Variants in SAMD3 observed in about 807,000 individuals in gnomAD.
SAMD3 encodes the protein sterile alpha motif domain-containing protein 3.
A neutral mutation model predicts 58.5 loss-of-function variants in SAMD3; 63 were observed. The observed-to-expected ratio is 1.08, with a 90% CI of 0.88 to 1.33. The LOEUF (loss-of-function observed/expected upper bound fraction) is 1.33, where lower values mean the gene tolerates loss of function less well. Among genes scored for constraint, SAMD3 ranks in the 40% most tolerant of loss-of-function variants. SAMD3 has a pLI of 0.00. For missense variants in SAMD3, 604 were observed against 608.4 expected, an observed-to-expected ratio of 0.99 and a Z score of 0.08; for synonymous variants, 220 against 210.3, an observed-to-expected ratio of 1.05 and a Z score of -0.40.
intron 2 of SAMD3, among the ~76,000 whole-genome samples, chr6:130,255,329 G>T (rs948972559): frequency 3.3e-5 from 5 of 152,154 alleles, no homozygotes; most frequent in Non-Finnish European, 5.9e-5. Flanking sequence ...CTAAAGCATT[G>T]TTTGAGTCCA....
At chr6:130,350,588 G>A (rs1394793513) in intron 1 of SAMD3, among the ~76,000 whole-genome samples, 1 of 152,144 alleles carries the variant, frequency 6.6e-6, no homozygotes, top group Non-Finnish European at 1.5e-5. Context: ...CAAACAAATG[G>A]AAGAACATTC....
At chr6:130,271,710 C>G (rs980140275) in intron 2 of SAMD3, among the ~76,000 whole-genome samples, 1 of 152,118 alleles carries the variant, frequency 6.6e-6, no homozygotes, top group African/African-American at 2.4e-5. Flanking sequence ...AAAGACATAT[C>G]GAGACTGGGT....
chr6:130,322,665 G>A (rs1308408523), intron 1 of SAMD3, among the ~76,000 whole-genome samples: 2 of 152,118 alleles, frequency 1.3e-5, no homozygotes, highest in African/African-American at 4.8e-5. Context: ...CAAAGCAAAT[G>A]GTTCAATGGT....
chr6:130,275,460 T>C (rs1774741426), intron 2 of SAMD3, among the ~76,000 whole-genome samples: 1 of 152,156 alleles, frequency 6.6e-6, no homozygotes, highest in African/African-American at 2.4e-5. Context: ...CAACTCCCAG[T>C]AGGGCTGAAT....
chr6:130,230,573 G>A (rs865891179), intron 2 of SAMD3, among the ~76,000 whole-genome samples: 1 of 152,002 alleles, frequency 6.6e-6, no homozygotes, highest in Non-Finnish European at 1.5e-5. Context: ...CTTTTTAGTA[G>A]AGACAGGTTT....
intron 5 of SAMD3, among the ~76,000 whole-genome samples, chr6:130,204,428 G>T (rs934330445): frequency 3.9e-5 from 6 of 152,046 alleles, no homozygotes; most frequent in African/African-American, 1.4e-4. Flanking sequence ...GCAACATGTT[G>T]AAACCCTCTG....
At chr6:130,244,221 A>C (rs1773457136) in intron 2 of SAMD3, among the ~76,000 whole-genome samples, 1 of 152,182 alleles carries the variant, frequency 6.6e-6, no homozygotes, top group African/African-American at 2.4e-5. Flanking sequence ...TTCTATTTAA[A>C]AGACAATTTG....
chr6:130,288,356 CT>C (rs1775238776), intron 2 of SAMD3, among the ~76,000 whole-genome samples: 1 of 152,198 alleles, frequency 6.6e-6, no homozygotes. Flanking sequence ...GTACCTCAGT[CT>C]TTTCCCTAAA....
At chr6:130,187,612 T>C (rs1262992389) in intron 5 of SAMD3, among the ~76,000 whole-genome samples, 1 of 152,196 alleles carries the variant, frequency 6.6e-6, no homozygotes, top group East Asian at 1.9e-4. Context: ...TGGAAGCAGA[T>C]AACTGCAGGC....
chr6:130,294,177 G>C (rs1440374466), intron 2 of SAMD3, among the ~76,000 whole-genome samples: 1 of 152,132 alleles, frequency 6.6e-6, no homozygotes, highest in Non-Finnish European at 1.5e-5. Flanking sequence ...AAAGGAGACT[G>C]CTTACTTAAC....
At chr6:130,195,316 G>A (rs997386543) in intron 5 of SAMD3, among the ~76,000 whole-genome samples, 1 of 152,020 alleles carries the variant, frequency 6.6e-6, no homozygotes, top group Non-Finnish European at 1.5e-5. Context: ...CCTTTGCCCT[G>A]CTCAATGCCA....
intron 1 of SAMD3, among the ~76,000 whole-genome samples, chr6:130,354,346 AT>A (rs1379913591): frequency 2.0e-5 from 3 of 152,184 alleles, no homozygotes; most frequent in African/African-American, 7.2e-5. Flanking sequence ...AGTAATGTAA[AT>A]TGTTCTATCA....
At chr6:130,258,136 G>C (rs974039061) in intron 2 of SAMD3, among the ~76,000 whole-genome samples, 4 of 151,776 alleles carry the variant, frequency 2.6e-5, no homozygotes, top group Non-Finnish European at 5.9e-5. Flanking sequence ...TTATCAATAA[G>C]CTGTTTTGAA....
chr6:130,242,233 A>G (rs547304906), intron 2 of SAMD3, among the ~76,000 whole-genome samples: 99 of 152,340 alleles, frequency 6.5e-4, no homozygotes, highest in African/African-American at 2.4e-3. Context: ...CAAAGAATAA[A>G]TATTTTAGGT....
At chr6:130,171,207 T>A (rs974848224) in intron 8 of SAMD3, among the ~76,000 whole-genome samples, 2 of 152,242 alleles carry the variant, frequency 1.3e-5, no homozygotes, top group African/African-American at 4.8e-5. Context: ...CATGTGGTTT[T>A]TGTCATTGGT....
At chr6:130,324,772 AT>A (rs5880015) in intron 1 of SAMD3, among the ~76,000 whole-genome samples, 206 of 147,394 alleles carry the variant, frequency 1.4e-3, no homozygotes, top group Non-Finnish European at 1.6e-3. Context: ...TTTGGAGAAC[AT>A]TTTTTTTTTT....
At chr6:130,365,656 C>A (rs1040182088), upstream of SAMD3, 3 of 985,286 alleles carry the variant, frequency 3.0e-6, no homozygotes, top group East Asian at 1.1e-4. Context: ...TAGAGGCGGG[C>A]CCCACGGGTG....
intron 2 of SAMD3, among the ~76,000 whole-genome samples, chr6:130,303,878 A>AC (rs2114978185): frequency 6.6e-6 from 1 of 152,286 alleles, no homozygotes; most frequent in Non-Finnish European, 1.5e-5. Flanking sequence ...TGTGTGTTGC[A>AC]AGTCTATCTT....
At chr6:130,344,668 C>T (rs1039979717) in intron 1 of SAMD3, among the ~76,000 whole-genome samples, 17 of 151,940 alleles carry the variant, frequency 1.1e-4, no homozygotes, top group African/African-American at 2.9e-4. Context: ...AGATTACTGG[C>T]GTGAGCCATG....
Sources: allele counts gnomAD v4.1 joint callset (sites outside exome capture counted in the v4.1 genomes callset), GRCh38; gene constraint gnomAD v4.1.1; transcripts MANE v1.5; gene names NCBI Gene and HGNC (gene_info 2026-07-23, HGNC 2026-07-21).